Variants in LINGO2 observed in about 807,000 individuals in gnomAD.
LINGO2 encodes leucine-rich repeat and immunoglobulin-like domain-containing nogo receptor-interacting protein 2.
A neutral mutation model predicts 30.6 loss-of-function variants in LINGO2; 14 were observed. The ratio of observed to expected loss-of-function variants is 0.46; its 90% CI spans 0.30 to 0.72. LINGO2 has a LOEUF of 0.72. Ranked by LOEUF, LINGO2 falls within the 30% of genes least tolerant of loss-of-function variation. LINGO2 has a pLI of 0.07. For synonymous variants in LINGO2, 317 were observed against 288.5 expected (o/e 1.10, Z -1.00); for missense variants, 729 against 751.7 (o/e 0.97, Z 0.35).
intron 1 of LINGO2, among the ~76,000 whole-genome samples, chr9:28,635,371 A>T (rs2135903709): frequency 6.6e-6 from 1 of 152,336 alleles, no homozygotes; most frequent in African/African-American, 2.4e-5. Context: ...ATTTGATATA[A>T]AAATTTAATG....
At chr9:29,189,698 C>A in the LINGO2 span, among the ~76,000 whole-genome samples, 1 of 152,142 alleles carries the variant, frequency 6.6e-6, no homozygotes, top group Non-Finnish European at 1.5e-5. Flanking sequence ...CGAGATCACG[C>A]CACTGCACTC....
the LINGO2 span, among the ~76,000 whole-genome samples, chr9:28,773,169 T>C: frequency 1.3e-5 from 2 of 152,116 alleles, no homozygotes; most frequent in East Asian, 3.9e-4. Context: ...ATCGAGACTG[T>C]CCTGGCTAAC....
At chr9:28,891,053 C>T in the LINGO2 span, among the ~76,000 whole-genome samples, 9 of 152,014 alleles carry the variant, frequency 5.9e-5, no homozygotes, top group East Asian at 1.2e-3. Flanking sequence ...AATAATAAAA[C>T]GTAGGTTATT....
intron 1 of LINGO2, among the ~76,000 whole-genome samples, chr9:28,632,253 G>T (rs1269843126): frequency 1.3e-5 from 2 of 151,994 alleles, no homozygotes; most frequent in Admixed American, 6.6e-5. Context: ...CGTTAAAGTG[G>T]GAGAGAGCAA....
chr9:28,893,144 G>C, the LINGO2 span, among the ~76,000 whole-genome samples: 12 of 151,442 alleles, frequency 7.9e-5, no homozygotes, highest in Admixed American at 8.0e-4. Context: ...AGCCTTCCTG[G>C]GAGCAAGCAT....
At chr9:29,099,469 C>T in the LINGO2 span, among the ~76,000 whole-genome samples, 1 of 152,080 alleles carries the variant, frequency 6.6e-6, no homozygotes, top group Non-Finnish European at 1.5e-5. Flanking sequence ...GAGAAAATAT[C>T]TGTATACTAC....
intron 3 of LINGO2, among the ~76,000 whole-genome samples, chr9:28,306,041 A>G (rs1824338389): frequency 6.6e-6 from 1 of 152,106 alleles, no homozygotes; most frequent in South Asian, 2.1e-4. Context: ...TGACCAGGCC[A>G]AGCCAAACCA....
the LINGO2 span, among the ~76,000 whole-genome samples, chr9:28,935,295 C>A: frequency 6.6e-6 from 1 of 152,146 alleles, no homozygotes; most frequent in East Asian, 1.9e-4. Flanking sequence ...CTTTAAAATT[C>A]TGACTAGTGA....
chr9:28,903,284 A>C, the LINGO2 span, among the ~76,000 whole-genome samples: 8 of 152,188 alleles, frequency 5.3e-5, no homozygotes, highest in South Asian at 1.7e-3. Flanking sequence ...GAAATGAATA[A>C]ATTTCTAGAC....
the LINGO2 span, among the ~76,000 whole-genome samples, chr9:29,140,408 A>T: frequency 6.6e-6 from 1 of 151,902 alleles, no homozygotes; most frequent in South Asian, 2.1e-4. Flanking sequence ...TAAAAGCTCA[A>T]CAGAGGGATT....
At chr9:27,964,529 A>G (rs1820003743) in intron 5 of LINGO2, among the ~76,000 whole-genome samples, 1 of 152,150 alleles carries the variant, frequency 6.6e-6, no homozygotes, top group South Asian at 2.1e-4. Flanking sequence ...TAATGCAATG[A>G]AATCGATATA....
chr9:28,697,028 T>A, the LINGO2 span, among the ~76,000 whole-genome samples: 15 of 151,726 alleles, frequency 9.9e-5, no homozygotes, highest in Admixed American at 7.2e-4. Flanking sequence ...CTAATCCACA[T>A]AATCTTTATA....
At chr9:28,378,991 C>G (rs936685570) in intron 2 of LINGO2, among the ~76,000 whole-genome samples, 1 of 152,066 alleles carries the variant, frequency 6.6e-6, no homozygotes, top group Non-Finnish European at 1.5e-5. Context: ...GTCTGACAAA[C>G]AGATAAAGAC....
chr9:28,967,223 T>C, the LINGO2 span, among the ~76,000 whole-genome samples: 13 of 152,110 alleles, frequency 8.5e-5, no homozygotes, highest in African/African-American at 2.9e-4. Context: ...ACACTCAAAT[T>C]TGAGGGCTTT....
At chr9:29,198,607 T>G in the LINGO2 span, among the ~76,000 whole-genome samples, 2 of 152,114 alleles carry the variant, frequency 1.3e-5, no homozygotes, top group Admixed American at 6.6e-5. Flanking sequence ...GAGCATAGTT[T>G]GTGTCATTCC....
At chr9:29,200,469 C>T in the LINGO2 span, among the ~76,000 whole-genome samples, 1 of 151,902 alleles carries the variant, frequency 6.6e-6, no homozygotes, top group South Asian at 2.1e-4. Context: ...TTAAAGAGAT[C>T]AAATATTCAA....
At chr9:28,773,983 T>G in the LINGO2 span, among the ~76,000 whole-genome samples, 1 of 151,946 alleles carries the variant, frequency 6.6e-6, no homozygotes, top group Non-Finnish European at 1.5e-5. Flanking sequence ...AGGTTAAACT[T>G]TTTTGATATG....
chr9:28,836,996 A>G, the LINGO2 span, among the ~76,000 whole-genome samples: 7 of 152,322 alleles, frequency 4.6e-5, no homozygotes, highest in East Asian at 1.3e-3. Context: ...AAAAGACAGG[A>G]TTTCTATTAC....
chr9:29,035,349 A>G, the LINGO2 span, among the ~76,000 whole-genome samples: 1 of 151,988 alleles, frequency 6.6e-6, no homozygotes, highest in Non-Finnish European at 1.5e-5. Flanking sequence ...ACATACCACT[A>G]TCTTTTCATT....
Sources: allele counts gnomAD v4.1 joint callset (sites outside exome capture counted in the v4.1 genomes callset), GRCh38; gene constraint gnomAD v4.1.1; transcripts MANE v1.5; gene names NCBI Gene and HGNC (gene_info 2026-07-23, HGNC 2026-07-21).